FKBP1B: variants seen among roughly 807,000 people sequenced by gnomAD.
FKBP1B encodes the protein peptidyl-prolyl cis-trans isomerase FKBP1B.
In FKBP1B, 4 loss-of-function variants were observed where a neutral mutation model predicts 13.5. The ratio of observed to expected loss-of-function variants is 0.30; its 90% CI spans 0.15 to 0.68. The LOEUF (loss-of-function observed/expected upper bound fraction) is 0.68, where lower values mean the gene tolerates loss of function less well. Ranked by LOEUF, FKBP1B falls within the 30% of genes least tolerant of loss-of-function variation. The pLI is 0.76. For synonymous variants in FKBP1B, 54 were observed against 53.6 expected, an observed-to-expected ratio of 1.01 and a Z score of -0.03; for missense variants, 93 against 136.2, an observed-to-expected ratio of 0.68 and a Z score of 1.58.
the FKBP1B span, among the ~76,000 whole-genome samples, chr2:24,034,783 C>T: frequency 2.6e-5 from 4 of 152,000 alleles, no homozygotes; most frequent in African/African-American, 4.8e-5. Context: ...CCATGCTGCC[C>T]AGGCTGGTCT....
In FKBP1B at chr2:24,060,985, T is replaced by G. The variant is rs563309500; in HGVS notation, c.198+59T>G. On this transcript the variant is annotated intron_variant, in intron 3 of 3. Coordinates refer to ENST00000380986, the MANE Select transcript of FKBP1B (RefSeq NM_004116.5). ...GGAGTTGGGGATCTGGGATCAGCAC[T>G]CTGCCCTCCACCTCCACCTTCACCC... 2.4e-4 allele frequency: 311 copies of G among 1,273,142 alleles called. 1 individual carries two copies. The African/African-American group carries it at 3.8e-3, about 15-fold the overall frequency. 78.9% of individuals were successfully genotyped at this position (1,273,142 alleles called of 1,614,324 possible).
At chr2:24,041,208 G>A in the FKBP1B span, among the ~76,000 whole-genome samples, 4 of 150,580 alleles carry the variant, frequency 2.7e-5, no homozygotes, top group African/African-American at 7.3e-5. Flanking sequence ...GCATGGTGGC[G>A]CATGCCTGTA....
chr2:24,036,349 A>G, the FKBP1B span, among the ~76,000 whole-genome samples: 1 of 152,030 alleles, frequency 6.6e-6, no homozygotes, highest in African/African-American at 2.4e-5. Context: ...CTGCTAAAAA[A>G]AAAAAAAATT....
the FKBP1B span, chr2:24,039,236 C>T: frequency 6.2e-7 from 1 of 1,614,262 alleles, no homozygotes; most frequent in Non-Finnish European, 8.5e-7. Context: ...AGCTGCCACA[C>T]AGTGACATGC....
At chr2:24,036,628 T>C in the FKBP1B span, among the ~76,000 whole-genome samples, 2 of 152,192 alleles carry the variant, frequency 1.3e-5, no homozygotes, top group Non-Finnish European at 2.9e-5. Flanking sequence ...TGGATACATA[T>C]AAGAGTACTA....
the FKBP1B span, among the ~76,000 whole-genome samples, chr2:24,043,644 T>A: frequency 6.6e-6 from 1 of 152,198 alleles, no homozygotes. Flanking sequence ...TAAAATGAAT[T>A]CCATTCCAAT....
At chr2:24,036,912 T>C in the FKBP1B span, among the ~76,000 whole-genome samples, 10 of 152,256 alleles carry the variant, frequency 6.6e-5, no homozygotes, top group Admixed American at 5.9e-4. Flanking sequence ...GGCAAGGCCA[T>C]ATTTTATATA....
At chr2:24,052,108 G>C (rs1663906513) in intron 1 of FKBP1B, among the ~76,000 whole-genome samples, 1 of 152,086 alleles carries the variant, frequency 6.6e-6, no homozygotes, top group Non-Finnish European at 1.5e-5. Context: ...CAGTCTGATT[G>C]CATGACCTGT....
chr2:24,039,277 G>A, the FKBP1B span: 2 of 1,614,218 alleles, frequency 1.2e-6, no homozygotes. Flanking sequence ...TAGAACAGGT[G>A]TATCATCTGC....
intron 2 of FKBP1B, 67 bp from the exon 3 acceptor site, chr2:24,060,747 T>C: frequency 1.8e-6 from 2 of 1,120,226 alleles, no homozygotes; most frequent in Non-Finnish European, 1.4e-6. Context: ...ATTTTAGACA[T>C]GTGGAATCTG....
chr2:24,063,338 A>G lies in FKBP1B; in HGVS notation c.*146A>G, dbSNP rs949767291. 3.8e-6 allele frequency: 3 copies of G among 780,476 alleles called. No individual in the cohort carries two copies. In the African/African-American group the frequency reaches 5.4e-5, roughly 14 times the overall value. The allele number at this position is 780,476 out of a possible 1,614,324, so 48.3% of individuals were successfully genotyped here. A position where few individuals can be genotyped will look rare whatever the true frequency, so the allele number is the denominator to read the frequency against. On this transcript the variant is annotated 3_prime_UTR_variant, in exon 4 of 4. Coordinates refer to ENST00000380986, the MANE Select transcript of FKBP1B (RefSeq NM_004116.5). ...TGGCATCATCCATTCTCTCTGCCCA[A>G]GTTGCTCTGTATGTGTTCGTCAGTG... is the stretch of plus-strand genomic sequence containing the variant.
chr2:24,056,544 A>G (rs1250042910), intron 2 of FKBP1B, among the ~76,000 whole-genome samples: 2 of 151,962 alleles, frequency 1.3e-5, no homozygotes, highest in Non-Finnish European at 1.5e-5. Context: ...GGATTTCACC[A>G]TGTTGGCCAG....
At position 24,063,452 on chromosome 2, in the gene FKBP1B, C is replaced by T. The variant is rs1664494475; in HGVS notation, c.*260C>T. 9.1e-6 allele frequency: 4 copies of T among 439,254 alleles called. No individual in the cohort carries two copies. In the South Asian group the frequency reaches 1.2e-4, roughly 13 times the overall value. The allele number at this position is 439,254 out of a possible 1,614,324, so 27.2% of individuals were successfully genotyped here. On this transcript the variant is annotated 3_prime_UTR_variant, in exon 4 of 4. Transcript: ENST00000380986. ...TTGTGTGATGCATGTAGTAGCCTTT[C>T]CTGATGACAGAACACAGATCTCTTG...
intron 2 of FKBP1B, among the ~76,000 whole-genome samples, chr2:24,059,820 G>A (rs1393784047): frequency 4.0e-5 from 6 of 149,204 alleles, no homozygotes; most frequent in African/African-American, 1.2e-4. Context: ...CCTTGAACCC[G>A]GGAGGCGGAG....
the FKBP1B span, chr2:24,033,266 A>C: frequency 1.0e-5 from 5 of 477,204 alleles, no homozygotes; most frequent in Non-Finnish European, 2.1e-5. Flanking sequence ...CGGTAAGAAC[A>C]CCTTCTTGGC....
At chr2:24,062,243 G>T (rs1664427887) in intron 3 of FKBP1B, among the ~76,000 whole-genome samples, 1 of 152,070 alleles carries the variant, frequency 6.6e-6, no homozygotes, top group African/African-American at 2.4e-5. Context: ...CACAATCTCA[G>T]CTCACTGCAA....
chr2:24,041,198 G>A, the FKBP1B span, among the ~76,000 whole-genome samples: 7 of 151,790 alleles, frequency 4.6e-5, no homozygotes, highest in Admixed American at 2.0e-4. Context: ...AATTAGCCGG[G>A]CATGGTGGCG....
Position 24,050,103 on chromosome 2 carries a change from C to T in FKBP1B, c.37+217C>T, listed in dbSNP as rs1241288621. Among the ~76,000 whole-genome samples the T allele has an allele frequency of 2.0e-5, 3 of 151,686 alleles. No individual in the cohort carries two copies. The highest frequency in any genetic ancestry group is 3.9e-4 in the East Asian group (2 of 5,124). On this transcript the variant is annotated intron_variant, in intron 1 of 3. Transcript: ENST00000380986. This position sits in a 1 kb window ranked among gnomAD's most constrained non-coding sequence, Gnocchi z 5.8. ...ACCTAGGGGAATGTAGGCGGCAGCT[C>T]GGAGGCGGGGGTCTGCGGCCCGGAG...
At position 24,058,332 on chromosome 2, in the gene FKBP1B, G is replaced by T. The variant is rs146332344; in HGVS notation, c.86-2482G>T. On this transcript the variant is annotated intron_variant, in intron 2 of 3. Transcript: ENST00000380986. ...TCTGGAATTGATTTTTTTGTGTGTG[G>T]ATTTGGTAGGGGTTAAAGTTCATTT... is the stretch of plus-strand genomic sequence containing the variant. Among the ~76,000 whole-genome samples the T allele has an allele frequency of 6.7e-3, 1,019 of 151,826 alleles. 9 individuals are homozygous for T. The highest frequency in any genetic ancestry group is 0.011 in the Non-Finnish European group (775 of 67,948).
Sources: allele counts gnomAD v4.1 joint callset (sites outside exome capture counted in the v4.1 genomes callset), GRCh38; gene constraint gnomAD v4.1.1; non-coding constraint Gnocchi (gnomAD v3.1); transcripts MANE v1.5; gene names NCBI Gene and HGNC (gene_info 2026-07-23, HGNC 2026-07-21).